The following PIBF1 variants were observed in gnomAD, a reference collection of about 807,000 sequenced individuals.
PIBF1 encodes the protein progesterone immunomodulatory binding factor 1, also known as progesterone-induced-blocking factor 1.
Under a neutral mutation model 112.5 loss-of-function variants are expected in PIBF1, and 90 were observed. The ratio of observed to expected loss-of-function variants is 0.80; its 90% CI spans 0.67 to 0.95. The LOEUF (loss-of-function observed/expected upper bound fraction) is 0.95. Ranked by LOEUF, PIBF1 falls within the 40% of genes least tolerant of loss-of-function variation. The pLI is 0.00. For synonymous variants in PIBF1, 301 were observed against 288.6 expected (o/e 1.04, Z -0.44); for missense variants, 915 against 852.3 (o/e 1.07, Z -0.92).
intron 10 of PIBF1, among the ~76,000 whole-genome samples, chr13:72,862,247 C>T (rs1025984768): frequency 1.3e-5 from 2 of 152,208 alleles, no homozygotes; most frequent in South Asian, 4.1e-4. Flanking sequence ...AGTTACAGAA[C>T]ATGAATGTTA....
intron 14 of PIBF1, among the ~76,000 whole-genome samples, chr13:72,964,100 T>A (rs1271741673): frequency 3.9e-5 from 6 of 152,208 alleles, no homozygotes; most frequent in Non-Finnish European, 7.4e-5. Context: ...CATCAAGAGA[T>A]CAATGGATAA....
chr13:72,976,915 C>A (rs1357236105), intron 16 of PIBF1, among the ~76,000 whole-genome samples: 3 of 152,028 alleles, frequency 2.0e-5, no homozygotes, highest in Non-Finnish European at 4.4e-5. Context: ...GCAAGCAAGG[C>A]ATCTAGGACA....
rs541816411 is a variant in PIBF1, at chr13:72,902,933, T to C, written c.1489-5598T>C. ...TTTTTTTTGAGACAGTCTCACTCTG[T>C]CTCCCAGGCTGGAATGCAGTGTCAC... is the stretch of plus-strand genomic sequence containing the variant. On this transcript the variant is annotated intron_variant, in intron 11 of 17. Coordinates refer to ENST00000326291, the MANE Select transcript of PIBF1 (RefSeq NM_006346.4). Among the ~76,000 whole-genome samples the C allele has an allele frequency of 5.3e-3, 805 of 151,816 alleles. 15 individuals are homozygous for C. Among genetic ancestry groups the C allele is most frequent in the African/African-American group, 0.018 (754 of 41,390 alleles).
intron 10 of PIBF1, among the ~76,000 whole-genome samples, chr13:72,859,522 T>G (rs1410851836): frequency 6.6e-6 from 1 of 152,014 alleles, no homozygotes; most frequent in African/African-American, 2.4e-5. Flanking sequence ...TCAGGAAAAA[T>G]TAAAACCATA....
chr13:72,872,950 T>C (rs1594097837), intron 10 of PIBF1, among the ~76,000 whole-genome samples: 1 of 152,096 alleles, frequency 6.6e-6, no homozygotes, highest in Non-Finnish European at 1.5e-5. Context: ...AACAAAAACC[T>C]AAATAAGTGG....
At chr13:72,786,410 A>C (rs1005312782) in intron 2 of PIBF1, among the ~76,000 whole-genome samples, 1 of 152,178 alleles carries the variant, frequency 6.6e-6, no homozygotes, top group East Asian at 1.9e-4. Context: ...TTTTGTTTAC[A>C]TGTATTCTTG....
chr13:72,908,598 AGAACTC>A lies in PIBF1; in HGVS notation c.1557_1562del (p.Asn520_Ser521del). On this transcript the variant is annotated inframe_deletion, in exon 12 of 18. Transcript: ENST00000326291. ...AAACGCATTACTGAACTTCAAGCAC[AGAACTC>A]AGAGCATCAAGCAAGGCTAGACATT... 6.2e-7 allele frequency: 1 copy of A among 1,613,104 alleles called. No homozygotes were observed. The highest frequency in any genetic ancestry group is 8.5e-7 in the Non-Finnish European group (1 of 1,179,124).
chr13:72,908,703 C>T (rs761601921), intron 12 of PIBF1, 22 bp downstream of exon 12: 2 of 1,579,518 alleles, frequency 1.3e-6, no homozygotes, highest in South Asian at 1.2e-5. Flanking sequence ...CCCACACACA[C>T]ATGCACAACT....
intron 10 of PIBF1, among the ~76,000 whole-genome samples, chr13:72,876,955 A>T (rs962072997): frequency 7.2e-5 from 11 of 152,132 alleles, no homozygotes; most frequent in Admixed American, 2.0e-4. Flanking sequence ...ATGATGTTGA[A>T]AAGTTCCTGA....
At chr13:72,908,501 G>T in intron 11 of PIBF1, 30 bp from the exon 12 acceptor site, 1 of 1,528,404 alleles carries the variant, frequency 6.5e-7, no homozygotes, top group South Asian at 1.2e-5. Context: ...GTTTAATTCT[G>T]CCTTTGTAAT....
chr13:72,952,319 G>T (rs1566484510), intron 14 of PIBF1, among the ~76,000 whole-genome samples: 1 of 152,014 alleles, frequency 6.6e-6, no homozygotes, highest in Admixed American at 6.6e-5. Context: ...CTCCCAAAGT[G>T]CTGAGATTAC....
chr13:73,002,330 G>T lies in PIBF1; in HGVS notation c.2223+3335G>T, dbSNP rs577048589. Among the ~76,000 whole-genome samples the T allele has an allele frequency of 3.9e-5, 6 of 152,250 alleles. No homozygotes were observed. In the East Asian group the frequency reaches 1.2e-3, roughly 29 times the overall value. On this transcript the variant is annotated intron_variant, in intron 17 of 17. Transcript: ENST00000326291. ...TTCACCTCCCATGACTCTAGTTAGTGCTACTTCTGCAACAGGCAACTTAAG... is the reference window on the plus strand; with the variant it reads ...TTCACCTCCCATGACTCTAGTTAGTTCTACTTCTGCAACAGGCAACTTAAG...
intron 11 of PIBF1, chr13:72,900,998 G>T (rs2040462075): frequency 2.5e-6 from 1 of 401,236 alleles, no homozygotes; most frequent in South Asian, 1.8e-5. Context: ...CTGCACCCTG[G>T]GCAACCAGAG....
intron 8 of PIBF1, among the ~76,000 whole-genome samples, chr13:72,831,596 G>T (rs554217168): frequency 6.6e-6 from 1 of 152,250 alleles, no homozygotes; most frequent in East Asian, 1.9e-4. Context: ...TATTAATCCT[G>T]AGTTCTAGTT....
chr13:72,921,548 G>C (rs1160098346), intron 13 of PIBF1, among the ~76,000 whole-genome samples: 5 of 151,934 alleles, frequency 3.3e-5, no homozygotes. Context: ...TTAATTTATT[G>C]TCATAGAATT....
At position 73,001,582 on chromosome 13, in the gene PIBF1, C is replaced by CTTTTTTTTTTTTTTTTTTTTTTTTTTTTT. The variant is rs10645002; in HGVS notation, c.2223+2605_2223+2606insTTTTTTTTTTTTTTTTTTTTTTTTTTTTT. ...CAGAGGAGGAGAAATAAGAGCTTGACTTTTTTTTTTTTTTTTTTGACACTT... is the reference window on the plus strand; with the variant it reads ...CAGAGGAGGAGAAATAAGAGCTTGACTTTTTTTTTTTTTTTTTTTTTTTTTTTTTTTTTTTTTTTTTTTTTTTGACACTT... On this transcript the variant is annotated intron_variant, in intron 17 of 17. Coordinates refer to ENST00000326291, the MANE Select transcript of PIBF1 (RefSeq NM_006346.4). Among the ~76,000 whole-genome samples, 10 of 29,160 alleles carry CTTTTTTTTTTTTTTTTTTTTTTTTTTTTT rather than the reference C, an allele frequency of 3.4e-4. 4 individuals carry two copies. Among genetic ancestry groups the CTTTTTTTTTTTTTTTTTTTTTTTTTTTTT allele is most frequent in the Non-Finnish European group, 4.5e-4 (6 of 13,366 alleles). 19.1% of individuals were successfully genotyped at this position (29,160 alleles called of 152,430 possible). A position where few individuals can be genotyped will look rare whatever the true frequency, so the allele number is the denominator to read the frequency against.
intron 10 of PIBF1, among the ~76,000 whole-genome samples, chr13:72,892,798 ACACACACACACGCACACG>A (rs1176855650): frequency 1.3e-5 from 2 of 150,838 alleles, no homozygotes; most frequent in Admixed American, 6.6e-5. Context: ...ACACACACAC[ACACACACACACGCACACG>A]CACACACACC....
At chr13:72,848,514 A>G (rs2037973601) in intron 9 of PIBF1, among the ~76,000 whole-genome samples, 1 of 152,218 alleles carries the variant, frequency 6.6e-6, no homozygotes, top group Non-Finnish European at 1.5e-5. Context: ...CTATTTTGTT[A>G]TAATATTAAA....
intron 14 of PIBF1, among the ~76,000 whole-genome samples, chr13:72,938,681 T>C (rs2138805705): frequency 6.6e-6 from 1 of 152,344 alleles, no homozygotes; most frequent in African/African-American, 2.4e-5. Context: ...CTGTTTTCAA[T>C]TCTCGTTAAG....
Sources: allele counts gnomAD v4.1 joint callset (sites outside exome capture counted in the v4.1 genomes callset), GRCh38; gene constraint gnomAD v4.1.1; transcripts MANE v1.5; gene names NCBI Gene and HGNC (gene_info 2026-07-23, HGNC 2026-07-21).